The following SPAG17 variants were observed in gnomAD, a reference collection of about 807,000 sequenced individuals.
The protein encoded by SPAG17 is sperm associated antigen 17, also known as sperm-associated antigen 17.
SPAG17 carries 169 observed loss-of-function variants against 273.6 expected under a neutral mutation model. The observed-to-expected ratio is 0.62, with a 90% CI of 0.55 to 0.70. The LOEUF (loss-of-function observed/expected upper bound fraction) is 0.70, where lower values mean the gene tolerates loss of function less well. SPAG17 is among the 30% of genes least tolerant of loss of function. The pLI is 0.00. For synonymous variants in SPAG17, 825 were observed against 873.2 expected (o/e 0.94, Z 0.97); for missense variants, 2,557 against 2,627.8 (o/e 0.97, Z 0.59).
At position 117,987,837 on chromosome 1, in the gene SPAG17, G is replaced by A. The variant is rs368304868; in HGVS notation, c.5666C>T (p.Thr1889Met). The A allele has an allele frequency of 8.8e-5, 142 of 1,612,340 alleles. 1 individual carries two copies. In the South Asian group the frequency reaches 1.4e-3, roughly 16 times the overall value. Residue 1889 changes from threonine to methionine, a missense_variant, in exon 40 of 49, where the codon ACG (threonine) becomes ATG (methionine). Thr to Met is a moderately conservative substitution (Grantham distance 81). Coordinates refer to ENST00000336338, the MANE Select transcript of SPAG17 (RefSeq NM_206996.4). ...SKRWKEKIDK[T>M]RKEIETTQNY... ...GTGCGTTTTGGGGTATAATTACCTCGTTTTGTCTATCTTTTCTTTCCAGCG... is the reference window on the plus strand; with the variant it reads ...GTGCGTTTTGGGGTATAATTACCTCATTTTGTCTATCTTTTCTTTCCAGCG...
chr1:118,048,092 G>A (rs1164988693), intron 20 of SPAG17, among the ~76,000 whole-genome samples: 2 of 151,930 alleles, frequency 1.3e-5, no homozygotes, highest in East Asian at 3.9e-4. Context: ...TCAGCCCCAT[G>A]CTCCAGGCTG....
At position 118,025,263 on chromosome 1, in the gene SPAG17, T is replaced by A; in HGVS notation, c.3884A>T (p.Lys1295Ile). 1 of 1,613,446 alleles carries A rather than the reference T, an allele frequency of 6.2e-7. No homozygotes were observed. The highest frequency in any genetic ancestry group is 8.5e-7 in the Non-Finnish European group (1 of 1,179,678). Residue 1295 changes from lysine (K) to isoleucine (I), a missense_variant, in exon 27 of 49, where the codon AAA (lysine) becomes ATA (isoleucine). Physicochemically the swap from Lys to Ile is moderately radical, Grantham distance 102. Coordinates refer to ENST00000336338, the MANE Select transcript of SPAG17 (RefSeq NM_206996.4). ...RVITSQGTVV[K>I]YMLDGSTQIL... ...CTGTGTGGATCCATCCAACATATAT[T>A]TGACAACAGTGCCTTGACTGGTGAT...
chr1:118,066,563 A>G (rs1376658348), intron 18 of SPAG17, among the ~76,000 whole-genome samples, 182 bp downstream of exon 18: 1 of 152,210 alleles, frequency 6.6e-6, no homozygotes, highest in African/African-American at 2.4e-5. Flanking sequence ...ATGCCCATAC[A>G]GTGCCCAGCA....
At position 118,184,599 on chromosome 1, in the gene SPAG17, C is replaced by T. The variant is rs142653880; in HGVS notation, c.87+472G>A. On this transcript the variant is annotated intron_variant, in intron 1 of 48. Coordinates refer to ENST00000336338, the MANE Select transcript of SPAG17 (RefSeq NM_206996.4). The stretch of plus-strand genomic sequence containing the variant: ...ATCATCTTTTCCTATCTATACAAGG[C>T]TCGCTTGTACTAAATACAGTGTAAT... Among the ~76,000 whole-genome samples, 316 of 152,292 alleles carry T rather than the reference C, an allele frequency of 2.1e-3. 6 individuals are homozygous for T. Among genetic ancestry groups the T allele is most frequent in the African/African-American group, 7.3e-3 (304 of 41,568 alleles).
intron 13 of SPAG17, among the ~76,000 whole-genome samples, chr1:118,083,929 C>T (rs559424354): frequency 6.6e-6 from 1 of 152,192 alleles, no homozygotes; most frequent in Admixed American, 6.5e-5. Context: ...ACTTGTTAAG[C>T]ATGATGTGGC....
intron 29 of SPAG17, among the ~76,000 whole-genome samples, chr1:118,014,722 G>C (rs966465801): frequency 5.3e-5 from 8 of 152,204 alleles, no homozygotes; most frequent in Non-Finnish European, 7.3e-5. Flanking sequence ...ACACACAAGA[G>C]TTAAGGCACT....
At chr1:117,981,634 TC>T (rs1655824764) in intron 42 of SPAG17, among the ~76,000 whole-genome samples, 1 of 152,194 alleles carries the variant, frequency 6.6e-6, no homozygotes, top group South Asian at 2.1e-4. Flanking sequence ...AAGTTTGTAC[TC>T]CCTAGGAGCT....
intron 20 of SPAG17, among the ~76,000 whole-genome samples, chr1:118,048,593 G>C (rs1245051382): frequency 3.9e-5 from 6 of 152,072 alleles, no homozygotes; most frequent in Non-Finnish European, 8.8e-5. Context: ...ATTACAAATG[G>C]TACCAAAGAA....
chr1:118,011,717 T>C (rs1659485328), intron 30 of SPAG17, among the ~76,000 whole-genome samples: 1 of 151,908 alleles, frequency 6.6e-6, no homozygotes, highest in Non-Finnish European at 1.5e-5. Flanking sequence ...AACTTAAAAG[T>C]TTTAAATAAA....
intron 1 of SPAG17, among the ~76,000 whole-genome samples, chr1:118,162,943 C>G (rs766444785): frequency 6.6e-6 from 1 of 152,034 alleles, no homozygotes; most frequent in Non-Finnish European, 1.5e-5. Context: ...ATAAACAATA[C>G]TATATGTTAT....
chr1:117,997,404 T>A (rs549329785), intron 32 of SPAG17, among the ~76,000 whole-genome samples: 151 of 152,046 alleles, frequency 9.9e-4, no homozygotes, highest in African/African-American at 3.4e-3. Flanking sequence ...TTTGAACTCA[T>A]GCTGTGAAGA....
At chr1:118,068,849 C>A (rs1230275204) in intron 17 of SPAG17, among the ~76,000 whole-genome samples, 1 of 152,142 alleles carries the variant, frequency 6.6e-6, no homozygotes, top group Admixed American at 6.5e-5. Flanking sequence ...TAAAGCTTAG[C>A]CTCAAGCTAT....
In SPAG17 at chr1:118,101,120, ATTTG is replaced by A. The variant is rs377101948; in HGVS notation, c.634+616_634+619del. 6.4e-4 allele frequency among the ~76,000 whole-genome samples: 98 copies of A among 152,318 alleles called. 1 individual carries two copies. The highest frequency in any genetic ancestry group is 2.2e-3 in the African/African-American group (92 of 41,568). On this transcript the variant is annotated intron_variant, in intron 5 of 48. Transcript: ENST00000336338. ...CTAGCAAGACACATGCTTAATAAAT[ATTTG>A]TTTAAGAGAGCCAGGTGTAGTGGCT...
intron 1 of SPAG17, among the ~76,000 whole-genome samples, chr1:118,180,362 T>C: frequency 6.6e-6 from 1 of 152,056 alleles, no homozygotes; most frequent in East Asian, 1.9e-4. Flanking sequence ...ATATCGTATG[T>C]TCTCACTCTT....
intron 3 of SPAG17, among the ~76,000 whole-genome samples, chr1:118,133,364 T>A (rs893362390): frequency 6.6e-6 from 1 of 151,990 alleles, no homozygotes; most frequent in Non-Finnish European, 1.5e-5. Context: ...GAGCGGCAAG[T>A]GGACGTAAGT....
rs760566926 is a variant in SPAG17 at position 118,081,402 on chromosome 1, C to T, written c.1990+13G>A. On this transcript the variant is annotated intron_variant, in intron 14 of 48. Transcript: ENST00000336338. ...AATACAAGAATGCTTTCCATTCCCT[C>T]CATGCAGTGTACCTGCTTTCTGCTT... The T allele has an allele frequency of 6.2e-7, 1 of 1,613,054 alleles. No homozygotes were observed. Among genetic ancestry groups the T allele is most frequent in the Admixed American group, 1.7e-5 (1 of 60,002 alleles).
chr1:118,038,257 G>GA (rs1649320317), intron 23 of SPAG17, among the ~76,000 whole-genome samples: 1 of 152,118 alleles, frequency 6.6e-6, no homozygotes, highest in Admixed American at 6.6e-5. Context: ...ATAGAATGGA[G>GA]AAAATCTAAA....
At chr1:118,046,258 G>A (rs952439534) in intron 20 of SPAG17, among the ~76,000 whole-genome samples, 2 of 151,958 alleles carry the variant, frequency 1.3e-5, no homozygotes, top group Non-Finnish European at 2.9e-5. Flanking sequence ...GATCATTTGA[G>A]CCCAGGAATT....
chr1:118,037,590 GAA>G (rs1479185266), intron 23 of SPAG17, among the ~76,000 whole-genome samples: 2 of 152,244 alleles, frequency 1.3e-5, no homozygotes, highest in Non-Finnish European at 2.9e-5. Flanking sequence ...TTATTAGTGA[GAA>G]AATGCAGCAT....
Sources: allele counts gnomAD v4.1 joint callset (sites outside exome capture counted in the v4.1 genomes callset), GRCh38; gene constraint gnomAD v4.1.1; transcripts MANE v1.5; gene names NCBI Gene and HGNC (gene_info 2026-07-23, HGNC 2026-07-21).